Variants in MYO19 observed in about 807,000 individuals in gnomAD.
MYO19 encodes the protein myosin XIX.
Under a neutral mutation model 129.2 loss-of-function variants are expected in MYO19, and 132 were observed. The observed-to-expected ratio is 1.02, with a 90% CI of 0.89 to 1.18. The LOEUF (loss-of-function observed/expected upper bound fraction) is 1.18, where lower values mean the gene tolerates loss of function less well. MYO19 is among the 50% of genes most tolerant of loss of function. The probability of loss-of-function intolerance (pLI) is 0.00; values close to 1 mark genes in which losing one functional copy is unlikely to be tolerated. For missense variants in MYO19, 1,210 were observed against 1,216.7 expected (o/e 0.99, Z 0.08); for synonymous variants, 531 against 477.2 (o/e 1.11, Z -1.47).
At chr17:36,511,993 G>A (rs1305490591) in intron 11 of MYO19, among the ~76,000 whole-genome samples, 1 of 152,018 alleles carries the variant, frequency 6.6e-6, no homozygotes, top group African/African-American at 2.4e-5. Context: ...GTTCCACACC[G>A]ACAAGCCCCC....
chr17:36,513,364 A>T, intron 11 of MYO19, 65 bp downstream of exon 11: 1 of 1,613,496 alleles, frequency 6.2e-7, no homozygotes, highest in Non-Finnish European at 8.5e-7. Context: ...GTCCAGGGAA[A>T]AGCTCTATGC....
At chr17:36,538,206 G>A, upstream of MYO19, 2 of 1,613,092 alleles carry the variant, frequency 1.2e-6, no homozygotes, top group Non-Finnish European at 1.7e-6. Context: ...TCGAAGAATG[G>A]CAAATTTAGC....
At position 36,495,770 on chromosome 17, in the gene MYO19, ATAATT is replaced by A. The variant is rs1469392684; in HGVS notation, c.*476_*480del. ...GATTCTACTGTACATTGCATTATTC[ATAATT>A]TAATTGTTTGAAATTACATTAAATA... On this transcript the variant is annotated 3_prime_UTR_variant, in exon 26 of 26. Coordinates refer to ENST00000614623, the MANE Select transcript of MYO19 (RefSeq NM_001163735.2). The A allele has an allele frequency of 7.9e-5, 98 of 1,240,980 alleles. No individual in the cohort carries two copies. The East Asian group carries it at 1.1e-3, about 14-fold the overall frequency. The allele number at this position is 1,240,980 out of a possible 1,614,324, so 76.9% of individuals were successfully genotyped here.
chr17:36,532,438 A>G, intron 3 of MYO19, 89 bp downstream of exon 3: 1 of 1,488,656 alleles, frequency 6.7e-7, no homozygotes, highest in Non-Finnish European at 9.2e-7. Context: ...AGAGACCTTT[A>G]AGGGGGCTTT....
chr17:36,499,307 A>T (rs2071291233), intron 23 of MYO19, 147 bp from the exon 24 acceptor site: 1 of 536,952 alleles, frequency 1.9e-6, no homozygotes, highest in Non-Finnish European at 3.3e-6. Flanking sequence ...AAGGTTCTAA[A>T]ATCAATACAT....
intron 8 of MYO19, 100 bp downstream of exon 8, chr17:36,515,013 G>T: frequency 1.9e-6 from 2 of 1,056,920 alleles, no homozygotes; most frequent in Non-Finnish European, 2.8e-6. Flanking sequence ...GAGGAGCAGG[G>T]TTTTTGCCCA....
intron 12 of MYO19, 147 bp downstream of exon 12, chr17:36,511,218 G>A (rs1471087521): frequency 4.2e-5 from 35 of 826,286 alleles, no homozygotes; most frequent in Non-Finnish European, 5.8e-5. Context: ...AGGGTGAGGA[G>A]TAAATGATCC....
At chr17:36,527,918 C>A in intron 4 of MYO19, 146 bp downstream of exon 4, 1 of 1,219,792 alleles carries the variant, frequency 8.2e-7, no homozygotes, top group Non-Finnish European at 1.1e-6. Context: ...GTCATGCTCC[C>A]TCAGGCGGAG....
chr17:36,498,932 A>T, intron 24 of MYO19, 143 bp downstream of exon 24: 1 of 657,844 alleles, frequency 1.5e-6, no homozygotes, highest in South Asian at 1.7e-5. Flanking sequence ...CACTGCATAC[A>T]TGAGGAATAT....
intron 6 of MYO19, among the ~76,000 whole-genome samples, chr17:36,519,158 G>A (rs1176944123): frequency 1.3e-5 from 2 of 152,142 alleles, no homozygotes. Context: ...AAAGTGCTGG[G>A]ATTACAGGTG....
upstream of MYO19, among the ~76,000 whole-genome samples, chr17:36,544,507 G>C (rs969961468): frequency 2.0e-5 from 3 of 152,184 alleles, no homozygotes; most frequent in Admixed American, 6.5e-5. Context: ...ACCTATCCAG[G>C]TCCTCTCTGG....
Position 36,522,641 on chromosome 17 carries a change from G to A in MYO19, c.414+2587C>T, listed in dbSNP as rs190083058. Among the ~76,000 whole-genome samples, 148 of 152,242 alleles carry A rather than the reference G, an allele frequency of 9.7e-4. 4 individuals carry two copies. In the East Asian group the frequency reaches 0.024, roughly 25 times the overall value. On this transcript the variant is annotated intron_variant, in intron 6 of 25. Transcript: ENST00000614623. ...ACCCAGCACTTTGGGAGGCCAACGC[G>A]GGAAGATCACTTGAGGCCAGGAGTT...
chr17:36,515,840 AAAGGAGCCC>A lies in MYO19; in HGVS notation c.547+9_547+17del. 1 of 1,606,578 alleles carries A rather than the reference AAAGGAGCCC, an allele frequency of 6.2e-7. No homozygotes were observed. Among genetic ancestry groups the A allele is most frequent in the Non-Finnish European group, 8.5e-7 (1 of 1,174,042 alleles). ...AGGAAATGGGACTGAGATACTGTGCAAAGGAGCCCAAGCTCACCAAAAGCTTCCATGACA... is the reference window on the plus strand; with the variant it reads ...AGGAAATGGGACTGAGATACTGTGCAAAGCTCACCAAAAGCTTCCATGACA... On this transcript the variant is annotated intron_variant, in intron 7 of 25. Coordinates refer to ENST00000614623, the MANE Select transcript of MYO19 (RefSeq NM_001163735.2).
intron 25 of MYO19, chr17:36,498,014 T>C (rs1230027846): frequency 1.0e-5 from 5 of 501,712 alleles, no homozygotes; most frequent in African/African-American, 9.5e-5. Context: ...GAAATGGGAC[T>C]AGAAGATTTA....
chr17:36,518,115 G>C (rs914598745), intron 6 of MYO19, among the ~76,000 whole-genome samples: 1 of 149,024 alleles, frequency 6.7e-6, no homozygotes, highest in Non-Finnish European at 1.5e-5. Context: ...AGGTAATGAA[G>C]ATGTTGTGCT....
chr17:36,519,964 T>G (rs1232634713), intron 6 of MYO19, among the ~76,000 whole-genome samples: 2 of 152,084 alleles, frequency 1.3e-5, no homozygotes, highest in South Asian at 4.1e-4. Context: ...TTCATTTTTA[T>G]GTAATATTTA....
chr17:36,537,438 C>T (rs1172504742), upstream of MYO19: 4 of 1,614,016 alleles, frequency 2.5e-6, no homozygotes, highest in Non-Finnish European at 3.4e-6. Context: ...CCTAAAAATC[C>T]TTGAAAAATT....
In MYO19 at chr17:36,507,113, G is replaced by A. The variant is rs753067672; in HGVS notation, c.1494C>T (p.Ser498=). ...NEECRLNRPS[S]AAQLQTRIET... is the part of the protein sequence containing the mutation. ...CAATGCGTGTCTGGAGCTGGGCTGC[G>A]CTGCTGGGTCGATTGAGGCGGCATT... Residue 498 remains serine, a synonymous_variant, in exon 17 of 26, where the codon AGC becomes AGT. Transcript: ENST00000614623. The A allele has an allele frequency of 4.4e-6, 7 of 1,605,604 alleles. No homozygotes were observed. The highest frequency in any genetic ancestry group is 1.7e-5 in the Admixed American group (1 of 59,596).
chr17:36,536,524 C>CTTTTT (rs10715370), upstream of MYO19, among the ~76,000 whole-genome samples: 8 of 125,526 alleles, frequency 6.4e-5, no homozygotes, highest in Non-Finnish European at 8.2e-5. Context: ...TTTTCTTTTC[C>CTTTTT]TTTTTTTTTT....
Sources: allele counts gnomAD v4.1 joint callset (sites outside exome capture counted in the v4.1 genomes callset), GRCh38; gene constraint gnomAD v4.1.1; transcripts MANE v1.5; gene names NCBI Gene and HGNC (gene_info 2026-07-23, HGNC 2026-07-21).